NEXMIF: variants seen among roughly 807,000 people sequenced by gnomAD.
NEXMIF encodes XLMR protein related to neurite extension.
NEXMIF carries 8 observed loss-of-function variants against 62.1 expected under a neutral mutation model. The ratio of observed to expected loss-of-function variants is 0.13; its 90% CI spans 0.08 to 0.23. NEXMIF has a LOEUF of 0.23. Ranked by LOEUF, NEXMIF falls within the 10% of genes least tolerant of loss-of-function variation. The pLI, the probability that NEXMIF is intolerant of heterozygous loss-of-function variation, is 1.00. For missense variants in NEXMIF, 976 were observed against 1,113.3 expected (o/e 0.88, Z 1.75); for synonymous variants, 404 against 416.6 (o/e 0.97, Z 0.37).
chrX:74,884,532 A>G (rs1257124486), intron 1 of NEXMIF, among the ~76,000 whole-genome samples: 1 of 111,959 alleles, frequency 8.9e-6, no homozygotes, highest in Admixed American at 9.5e-5. Flanking sequence ...ACCAACAAAG[A>G]TCAAAAGAGA....
intron 1 of NEXMIF, among the ~76,000 whole-genome samples, chrX:74,872,574 A>G (rs1260734114): frequency 4.5e-5 from 5 of 109,891 alleles, no homozygotes; most frequent in Non-Finnish European, 7.6e-5. Context: ...CTTAGTAAAT[A>G]TAGTAAATAT....
At chrX:74,784,844 G>T (rs1372354576) in intron 1 of NEXMIF, among the ~76,000 whole-genome samples, 1 of 110,764 alleles carries the variant, frequency 9.0e-6, no homozygotes, top group Non-Finnish European at 1.9e-5. Context: ...GCCTGTCTAG[G>T]TATCTTGTGC....
At chrX:74,748,769 C>A (rs186598569) in intron 1 of NEXMIF, among the ~76,000 whole-genome samples, 2 of 111,744 alleles carry the variant, frequency 1.8e-5, no homozygotes, top group East Asian at 5.6e-4. Flanking sequence ...ATCCTCTTCC[C>A]CAGCGGCCTT....
chrX:74,872,426 G>T (rs1418204045), intron 1 of NEXMIF, among the ~76,000 whole-genome samples: 1 of 90,664 alleles, frequency 1.1e-5, no homozygotes, highest in African/African-American at 4.0e-5. Context: ...ATCAGAGGAT[G>T]TTAAGGGTAG....
In NEXMIF at chrX:74,745,579, T is replaced by C. The variant is rs200225698; in HGVS notation, c.72A>G (p.Lys24=). 3.1e-4 allele frequency: 361 copies of C among 1,182,252 alleles called. 1 individual carries two copies. Among genetic ancestry groups the C allele is most frequent in the Admixed American group, 1.6e-3 (73 of 45,682 alleles). ...NGENTLINGV[K]ENDSEDQDVA... ...ATAATTAAATTCCCTTACCATTTTC[T>C]TTGACCCCATTAATCAGAGTGTTTT... Residue 24 remains lysine (K), a synonymous_variant, in exon 2 of 4, where the codon AAA becomes AAG. Coordinates refer to ENST00000055682, the MANE Select transcript of NEXMIF (RefSeq NM_001008537.3).
intron 1 of NEXMIF, among the ~76,000 whole-genome samples, chrX:74,763,420 T>C (rs1375175097): frequency 8.9e-6 from 1 of 112,056 alleles, no homozygotes; most frequent in African/African-American, 3.2e-5. Flanking sequence ...AGCTTTGTTC[T>C]TTTGGCTTAG....
At chrX:74,802,960 A>G (rs1045733533) in intron 1 of NEXMIF, among the ~76,000 whole-genome samples, 4 of 110,468 alleles carry the variant, frequency 3.6e-5, no homozygotes, top group African/African-American at 1.3e-4. Flanking sequence ...GAATTGATCA[A>G]GCAGAAGGAA....
intron 1 of NEXMIF, among the ~76,000 whole-genome samples, chrX:74,878,583 C>T (rs1357345845): frequency 8.9e-6 from 1 of 112,751 alleles, no homozygotes; most frequent in Non-Finnish European, 1.9e-5. Context: ...CGCCCCTCCC[C>T]CAGCCTCGCT....
intron 1 of NEXMIF, among the ~76,000 whole-genome samples, chrX:74,874,604 A>G (rs1219278764): frequency 4.3e-5 from 4 of 92,638 alleles, no homozygotes; most frequent in Admixed American, 1.2e-4. Context: ...TTTTCACGAT[A>G]TTGATTCTTC....
At chrX:74,799,570 T>A (rs890736054) in intron 1 of NEXMIF, among the ~76,000 whole-genome samples, 1 of 112,166 alleles carries the variant, frequency 8.9e-6, no homozygotes, top group Non-Finnish European at 1.9e-5. Flanking sequence ...AATACATACT[T>A]CCTCAAATTG....
intron 1 of NEXMIF, among the ~76,000 whole-genome samples, chrX:74,903,325 TACACACACACACACACACACACACAC>T (rs397897060): frequency 9.4e-4 from 48 of 51,215 alleles, no homozygotes; most frequent in African/African-American, 3.5e-3. Context: ...TTCTCAGGCA[TACACACACACACACACACACACACAC>T]ACACACACAC....
At chrX:74,795,864 C>T (rs1371688379) in intron 1 of NEXMIF, among the ~76,000 whole-genome samples, 1 of 106,878 alleles carries the variant, frequency 9.4e-6, no homozygotes, top group Non-Finnish European at 1.9e-5. Context: ...AGACAAATAA[C>T]CATACATAAA....
intron 1 of NEXMIF, among the ~76,000 whole-genome samples, chrX:74,887,343 C>T (rs372321949): frequency 3.0e-4 from 33 of 110,427 alleles, no homozygotes; most frequent in Middle Eastern, 4.6e-3. Flanking sequence ...CAAAAGAAAC[C>T]ACCATCAGAG....
intron 1 of NEXMIF, among the ~76,000 whole-genome samples, chrX:74,890,279 C>G (rs887689185): frequency 9.0e-6 from 1 of 110,657 alleles, no homozygotes; most frequent in African/African-American, 3.3e-5. Context: ...ACTTTATAGA[C>G]AGTATTAAAA....
chrX:74,875,342 G>A (rs750614010), intron 1 of NEXMIF, among the ~76,000 whole-genome samples: 64 of 111,935 alleles, frequency 5.7e-4, no homozygotes, highest in Non-Finnish European at 9.2e-4. Context: ...CAGGGATGAA[G>A]CACACTTGAT....
intron 1 of NEXMIF, among the ~76,000 whole-genome samples, chrX:74,896,210 C>T (rs917518612): frequency 9.0e-6 from 1 of 111,656 alleles, no homozygotes; most frequent in Non-Finnish European, 1.9e-5. Flanking sequence ...GTGTCTGTTC[C>T]CACTTACTCC....
At chrX:74,802,139 C>T (rs1022487683) in intron 1 of NEXMIF, among the ~76,000 whole-genome samples, 1 of 111,976 alleles carries the variant, frequency 8.9e-6, no homozygotes, top group Non-Finnish European at 1.9e-5. Context: ...GGGAGCTCGC[C>T]ACCCTGAAGG....
chrX:74,896,175 A>G (rs1362967327), intron 1 of NEXMIF, among the ~76,000 whole-genome samples: 1 of 111,649 alleles, frequency 9.0e-6, no homozygotes, highest in African/African-American at 3.3e-5. Flanking sequence ...TCTCCTCAGC[A>G]ACCACCACTC....
intron 1 of NEXMIF, among the ~76,000 whole-genome samples, chrX:74,904,809 T>C (rs2080761607): frequency 9.0e-6 from 1 of 111,172 alleles, no homozygotes; most frequent in Non-Finnish European, 1.9e-5. Flanking sequence ...ATGTGTGCCC[T>C]TGTTAAGTCA....
Sources: gnomAD v4.1 joint callset for allele counts (sites outside exome capture counted in the v4.1 genomes callset) on GRCh38, gnomAD v4.1.1 for gene constraint, MANE v1.5 for transcripts, NCBI Gene and HGNC (gene_info 2026-07-23, HGNC 2026-07-21) for gene names.